Variants in OR1J2 observed in about 807,000 individuals in gnomAD.
The protein encoded by OR1J2 is olfactory receptor 1J2.
For synonymous variants in OR1J2, 142 were observed against 99.7 expected (o/e 1.42, Z -2.52); for missense variants, 304 against 246.1 (o/e 1.24, Z -1.57).
the OR1J2 span, among the ~76,000 whole-genome samples, chr9:122,536,939 C>G: frequency 6.6e-6 from 1 of 152,056 alleles, no homozygotes; most frequent in Non-Finnish European, 1.5e-5. Context: ...TGTAATAGTA[C>G]CATGCTGTTT....
chr9:122,481,586 A>G, the OR1J2 span, among the ~76,000 whole-genome samples: 1 of 152,230 alleles, frequency 6.6e-6, no homozygotes. Context: ...CGAATGGCCA[A>G]TAAACATATT....
At chr9:122,494,604 C>T in the OR1J2 span, among the ~76,000 whole-genome samples, 5 of 152,132 alleles carry the variant, frequency 3.3e-5, no homozygotes, top group African/African-American at 4.8e-5. Flanking sequence ...CTGAAGAGAG[C>T]AGAAACTTGG....
the OR1J2 span, among the ~76,000 whole-genome samples, chr9:122,476,083 T>G: frequency 6.6e-6 from 1 of 152,240 alleles, no homozygotes; most frequent in Non-Finnish European, 1.5e-5. Context: ...TAAGGTATAT[T>G]AAGTTCTTAG....
Position 122,510,850 on chromosome 9 carries a change from C to G in OR1J2, c.49C>G (p.Leu17Val). The G allele has an allele frequency of 6.2e-7, 1 of 1,608,230 alleles. No individual in the cohort carries two copies. Among genetic ancestry groups the G allele is most frequent in the Non-Finnish European group, 8.5e-7 (1 of 1,175,338 alleles). Residue 17 changes from leucine (L) to valine (V), a missense_variant, in exon 1 of 1, where the codon CTC becomes GTC. Leu to Val is a conservative substitution (Grantham distance 32). Transcript: ENST00000335302. ...CGTGTCCGAGTTCCTCCTTCTGGGC[C>G]TCCCCATCCGGCCAGAGCAGCAGGC... Reference protein sequence around the residue: ...SSVSEFLLLGLPIRPEQQAVF... With the variant: ...SSVSEFLLLGVPIRPEQQAVF...
chr9:122,531,552 A>C, the OR1J2 span, among the ~76,000 whole-genome samples: 1,654 of 152,296 alleles, frequency 0.011, 30 homozygotes, highest in African/African-American at 0.038. Flanking sequence ...AATGGGCTGT[A>C]CCTTGTAGCA....
At chr9:122,477,053 G>T in the OR1J2 span, 2 of 1,613,990 alleles carry the variant, frequency 1.2e-6, no homozygotes, top group Non-Finnish European at 8.5e-7. Flanking sequence ...TTATTTCTCA[G>T]ACTGTAAATG....
chr9:122,523,496 G>A, the OR1J2 span, among the ~76,000 whole-genome samples: 37 of 152,208 alleles, frequency 2.4e-4, no homozygotes, highest in African/African-American at 7.0e-4. Context: ...GCAATGGATC[G>A]GAGTGCCTTG....
At chr9:122,576,917 A>T in the OR1J2 span, 1 of 151,996 alleles carries the variant, frequency 6.6e-6, no homozygotes, top group Non-Finnish European at 1.5e-5. Flanking sequence ...AAGAATGTTG[A>T]TTTTTCAGTT....
chr9:122,526,601 C>T, the OR1J2 span: 1 of 1,613,932 alleles, frequency 6.2e-7, no homozygotes. Flanking sequence ...CCTTGCCCAC[C>T]CCACCACGGG....
chr9:122,558,240 G>GT, the OR1J2 span, among the ~76,000 whole-genome samples: 13 of 121,616 alleles, frequency 1.1e-4, no homozygotes, highest in East Asian at 1.7e-3. Flanking sequence ...AATTTTTATT[G>GT]TTTTTTTCTT....
At chr9:122,487,491 A>ACACACACACACACAC in the OR1J2 span, among the ~76,000 whole-genome samples, 1 of 151,102 alleles carries the variant, frequency 6.6e-6, no homozygotes, top group Non-Finnish European at 1.5e-5. Context: ...ACACACACAC[A>ACACACACACACACAC]AACTGCTTAA....
At chr9:122,547,275 C>T in the OR1J2 span, among the ~76,000 whole-genome samples, 1 of 152,076 alleles carries the variant, frequency 6.6e-6, no homozygotes, top group African/African-American at 2.4e-5. Context: ...ACAGGACATT[C>T]TGAGGTTAAA....
the OR1J2 span, chr9:122,477,901 A>G: frequency 5.0e-6 from 8 of 1,606,860 alleles, no homozygotes; most frequent in Non-Finnish European, 1.7e-6. Context: ...GAACTCGGAC[A>G]CGCTGCTCTG....
chr9:122,558,105 CTTAG>C, the OR1J2 span, among the ~76,000 whole-genome samples: 1 of 151,434 alleles, frequency 6.6e-6, no homozygotes, highest in Non-Finnish European at 1.5e-5. Flanking sequence ...TTTTATTTTC[CTTAG>C]TTAGACTTAT....
At chr9:122,501,869 T>C in the OR1J2 span, among the ~76,000 whole-genome samples, 1 of 152,070 alleles carries the variant, frequency 6.6e-6, no homozygotes, top group Non-Finnish European at 1.5e-5. Flanking sequence ...CAGGGAAAAG[T>C]GAGGAGTAAA....
At chr9:122,508,890 C>T (rs1484156713), upstream of OR1J2, among the ~76,000 whole-genome samples, 3 of 152,190 alleles carry the variant, frequency 2.0e-5, no homozygotes, top group Non-Finnish European at 2.9e-5. Context: ...AAGAGGTTGG[C>T]ATTTCTTCGA....
At chr9:122,476,866 C>G in the OR1J2 span, 1 of 621,458 alleles carries the variant, frequency 1.6e-6, no homozygotes, top group Non-Finnish European at 2.8e-6. Context: ...CCACCATGCC[C>G]GGCTAATTTT....
the OR1J2 span, among the ~76,000 whole-genome samples, chr9:122,493,409 A>G: frequency 1.3e-5 from 2 of 152,144 alleles, no homozygotes; most frequent in Admixed American, 6.5e-5. Context: ...CAGAGACTCT[A>G]TATCTTCCTG....
the OR1J2 span, among the ~76,000 whole-genome samples, chr9:122,537,374 G>A: frequency 6.6e-6 from 1 of 152,204 alleles, no homozygotes; most frequent in African/African-American, 2.4e-5. Flanking sequence ...TTTCGGGCCT[G>A]GTGCCGAGCT....
Sources: gnomAD v4.1 joint callset for allele counts (sites outside exome capture counted in the v4.1 genomes callset) on GRCh38, gnomAD v4.1.1 for gene constraint, MANE v1.5 for transcripts, NCBI Gene and HGNC (gene_info 2026-07-23, HGNC 2026-07-21) for gene names.